The following COBL variants were observed in gnomAD, a reference collection of about 807,000 sequenced individuals.
COBL encodes the protein cordon-bleu WH2 repeat protein.
Under a neutral mutation model 98.8 loss-of-function variants are expected in COBL, and 51 were observed. The ratio of observed to expected loss-of-function variants is 0.52; its 90% CI spans 0.41 to 0.65. The LOEUF is 0.65. Among genes scored for constraint, COBL ranks in the 30% least tolerant of loss-of-function variants. COBL has a pLI of 0.00. For missense variants in COBL, 1,617 were observed against 1,617.5 expected (o/e 1.00, Z 0.01); for synonymous variants, 634 against 651.7 (o/e 0.97, Z 0.41).
At chr7:51,018,903 AAAATATATATATATATAT>A (rs1478929313) in intron 12 of COBL, among the ~76,000 whole-genome samples, 4 of 57,212 alleles carry the variant, frequency 7.0e-5, no homozygotes, top group East Asian at 1.2e-3. Context: ...AAAAAAAAAA[AAAATATATATATATATAT>A]ATATATATAT....
At chr7:51,263,419 G>T (rs919378320) in intron 1 of COBL, among the ~76,000 whole-genome samples, 1 of 152,234 alleles carries the variant, frequency 6.6e-6, no homozygotes, top group Non-Finnish European at 1.5e-5. Context: ...AGCAATATGG[G>T]GGGTGGATAA....
intron 1 of COBL, among the ~76,000 whole-genome samples, chr7:51,238,171 G>T (rs1384967410): frequency 6.6e-6 from 1 of 152,216 alleles, no homozygotes; most frequent in East Asian, 1.9e-4. Flanking sequence ...GCCTTCCACT[G>T]TACTGGTTTG....
At chr7:51,029,675 G>A in intron 9 of COBL, 84 bp from the exon 10 acceptor site, 2 of 1,199,332 alleles carry the variant, frequency 1.7e-6, no homozygotes, top group Non-Finnish European at 2.3e-6. Flanking sequence ...TGATTTCCCT[G>A]AGGTTACTTT....
intron 1 of COBL, among the ~76,000 whole-genome samples, chr7:51,275,910 G>A (rs555026061): frequency 9.2e-5 from 14 of 152,264 alleles, no homozygotes; most frequent in East Asian, 3.9e-4. Flanking sequence ...CTGCTCTGCC[G>A]GGGTTTTGTG....
intron 3 of COBL, among the ~76,000 whole-genome samples, chr7:51,192,939 C>T (rs1187884934): frequency 6.6e-6 from 1 of 151,952 alleles, no homozygotes; most frequent in Non-Finnish European, 1.5e-5. Flanking sequence ...TCATACCTGC[C>T]ACATTTCAAG....
At chr7:51,137,653 T>C (rs1251281663) in intron 5 of COBL, among the ~76,000 whole-genome samples, 1 of 152,180 alleles carries the variant, frequency 6.6e-6, no homozygotes, top group Non-Finnish European at 1.5e-5. Flanking sequence ...TTATGATTAT[T>C]ACACTTGCTT....
chr7:51,057,185 G>T (rs1176088079), intron 7 of COBL, among the ~76,000 whole-genome samples: 2 of 152,208 alleles, frequency 1.3e-5, no homozygotes, highest in Non-Finnish European at 2.9e-5. Flanking sequence ...CAAAGCACAA[G>T]AGTACTGATG....
chr7:51,316,545 G>A (rs1452820617), intron 1 of COBL, 48 bp downstream of exon 1: 55 of 1,201,476 alleles, frequency 4.6e-5, no homozygotes, highest in Non-Finnish European at 5.7e-5. Context: ...GGGCGTCCGA[G>A]CCCAGGGAAG....
intron 1 of COBL, among the ~76,000 whole-genome samples, chr7:51,225,421 A>G (rs1794089896): frequency 6.6e-6 from 1 of 152,198 alleles, no homozygotes; most frequent in South Asian, 2.1e-4. Context: ...GGGCACACCC[A>G]TCGCAGGTGC....
At chr7:51,069,323 C>T (rs187621878) in intron 7 of COBL, among the ~76,000 whole-genome samples, 6 of 152,364 alleles carry the variant, frequency 3.9e-5, no homozygotes, top group Admixed American at 3.9e-4. Context: ...GTTTGTGCTG[C>T]ATCTGCCTCT....
chr7:51,099,230 A>G (rs1487304348), intron 6 of COBL, among the ~76,000 whole-genome samples: 2 of 152,206 alleles, frequency 1.3e-5, no homozygotes, highest in African/African-American at 4.8e-5. Flanking sequence ...TTAAAAATAG[A>G]ATTACCACAT....
rs191473728 is a variant in COBL, at chr7:51,177,905, G to A, written c.783+6197C>T. Among the ~76,000 whole-genome samples the A allele has an allele frequency of 2.0e-3, 299 of 152,248 alleles. 1 individual carries two copies. The highest frequency in any genetic ancestry group is 7.1e-3 in the African/African-American group (295 of 41,550). ...CATGCCTGTAATCCCAGCACTTTGA[G>A]AGGTTGAGGTGGGTGGATCACATGA... On this transcript the variant is annotated intron_variant, in intron 5 of 12. Coordinates refer to ENST00000265136, the MANE Select transcript of COBL (RefSeq NM_015198.5).
rs1803650482 is a variant in COBL, at chr7:51,316,719, A to C, written c.-86T>G. On this transcript the variant is annotated 5_prime_UTR_variant, in exon 1 of 13. Coordinates refer to ENST00000265136, the MANE Select transcript of COBL (RefSeq NM_015198.5). Reference sequence around the variant, plus strand: ...GCCGCCACCGCTGCCGCCCTCATTCACTTTTTCCGCGCTGACCCATCGTCC... The same window carrying C: ...GCCGCCACCGCTGCCGCCCTCATTCCCTTTTTCCGCGCTGACCCATCGTCC... 9.5e-7 allele frequency: 1 copy of C among 1,056,290 alleles called. No homozygotes were observed. Among genetic ancestry groups the C allele is most frequent in the East Asian group, 3.6e-5 (1 of 27,472 alleles). 65.4% of individuals were successfully genotyped at this position (1,056,290 alleles called of 1,614,324 possible).
chr7:51,054,188 A>G (rs1206797926), intron 7 of COBL, among the ~76,000 whole-genome samples: 1 of 152,220 alleles, frequency 6.6e-6, no homozygotes, highest in Admixed American at 6.5e-5. Context: ...TGTCTCAATC[A>G]ATCAAACAAA....
chr7:51,023,014 T>C (rs1394207256), intron 12 of COBL: 1 of 152,144 alleles, frequency 6.6e-6, no homozygotes, highest in Non-Finnish European at 1.5e-5. Flanking sequence ...CTGGGATCAG[T>C]AGAGTGACAG....
chr7:51,105,467 G>A (rs570100319), intron 6 of COBL, among the ~76,000 whole-genome samples: 2 of 152,260 alleles, frequency 1.3e-5, no homozygotes, highest in African/African-American at 4.8e-5. Flanking sequence ...TAAATGAGTT[G>A]GCTGGGTGGG....
At chr7:51,228,018 T>C (rs373426388) in intron 1 of COBL, among the ~76,000 whole-genome samples, 38 of 152,240 alleles carry the variant, frequency 2.5e-4, no homozygotes, top group African/African-American at 8.7e-4. Flanking sequence ...GAGAAACGAC[T>C]TTACCCATCA....
chr7:51,073,988 G>C (rs1292113833), intron 7 of COBL, among the ~76,000 whole-genome samples: 1 of 152,132 alleles, frequency 6.6e-6, no homozygotes, highest in Non-Finnish European at 1.5e-5. Context: ...AGACTGACCT[G>C]TGGTGCAAAG....
In COBL at chr7:51,026,566, C is replaced by T. The variant is rs1471847831; in HGVS notation, c.3484G>A (p.Gly1162Ser). 5.0e-6 allele frequency: 8 copies of T among 1,613,978 alleles called. No individual in the cohort carries two copies. Among genetic ancestry groups the T allele is most frequent in the African/African-American group, 4.0e-5 (3 of 74,952 alleles). The change falls in exon 11 of 13, where the codon GGC (glycine) becomes AGC (serine). Residue 1162 changes from glycine to serine, a missense_variant. By Grantham distance (56) the Gly-to-Ser change is moderately conservative. Coordinates refer to ENST00000265136, the MANE Select transcript of COBL (RefSeq NM_015198.5). ...CTTACCTTCCTCAGGCTGCAGGTGCCGCTGTGCCCGCGGATAGCTGCCAGC... is the reference window on the plus strand; with the variant it reads ...CTTACCTTCCTCAGGCTGCAGGTGCTGCTGTGCCCGCGGATAGCTGCCAGC... ...ALLAAIRGHS[G>S]TCSLRKVASS...
Sources: allele counts gnomAD v4.1 joint callset (sites outside exome capture counted in the v4.1 genomes callset), GRCh38; gene constraint gnomAD v4.1.1; transcripts MANE v1.5; gene names NCBI Gene and HGNC (gene_info 2026-07-23, HGNC 2026-07-21).